Variants in U2AF2 observed in about 807,000 individuals in gnomAD.
U2AF2 encodes splicing factor U2AF 65 kDa subunit.
A neutral mutation model predicts 52.6 loss-of-function variants in U2AF2; 6 were observed. That is an observed-to-expected ratio of 0.11 (90% CI 0.06 to 0.23). U2AF2 has a LOEUF of 0.23. Ranked by LOEUF, U2AF2 falls within the 10% of genes least tolerant of loss-of-function variation. The pLI is 1.00. For missense variants in U2AF2, 222 were observed against 677.1 expected, an observed-to-expected ratio of 0.33 and a Z score of 7.46; for synonymous variants, 284 against 258.2, an observed-to-expected ratio of 1.10 and a Z score of -0.96.
Position 55,661,226 on chromosome 19 carries a change from C to G in U2AF2, c.486+37C>G, listed in dbSNP as rs376896797. 5.2e-5 allele frequency: 78 copies of G among 1,506,722 alleles called. No individual in the cohort carries two copies. The East Asian group carries it at 1.8e-3, about 35-fold the overall frequency. 93.3% of individuals were successfully genotyped at this position (1,506,722 alleles called of 1,614,324 possible). On this transcript the variant is annotated intron_variant, in intron 5 of 11. Transcript: ENST00000308924. ...CCCTGCCCCCTACCCTCTCCCTTGTCCCTCTACCCCGTTCCTCCCCTTCCC... is the reference window on the plus strand; with the variant it reads ...CCCTGCCCCCTACCCTCTCCCTTGTGCCTCTACCCCGTTCCTCCCCTTCCC...
At chr19:55,670,774 C>G (rs957553656) in intron 11 of U2AF2, 1 of 179,474 alleles carries the variant, frequency 5.6e-6, no homozygotes, top group Admixed American at 5.8e-5. Context: ...TGAGAGGCCT[C>G]CAGGGTGGTC....
At chr19:55,665,462 GCCC>G (rs1984489492) in intron 7 of U2AF2, among the ~76,000 whole-genome samples, 1 of 99,984 alleles carries the variant, frequency 1.0e-5, no homozygotes, top group African/African-American at 4.4e-5. Context: ...TGTCCTAAGT[GCCC>G]TCCATGGACG....
intron 1 of U2AF2, among the ~76,000 whole-genome samples, chr19:55,656,022 A>G (rs755546392): frequency 9.9e-5 from 15 of 152,222 alleles, no homozygotes; most frequent in Admixed American, 3.9e-4. Context: ...GATCTGGCCC[A>G]CTGCGCTAAA....
intron 2 of U2AF2, among the ~76,000 whole-genome samples, chr19:55,659,940 C>A (rs567798248): frequency 6.6e-6 from 1 of 152,282 alleles, no homozygotes; most frequent in East Asian, 1.9e-4. Context: ...CTCAGTTTCT[C>A]CAGCTAGAGA....
chr19:55,672,947 ATTT>A (rs879660112), intron 11 of U2AF2, among the ~76,000 whole-genome samples: 1 of 132,408 alleles, frequency 7.6e-6, no homozygotes, highest in Non-Finnish European at 1.6e-5. Flanking sequence ...CCGGCCAATA[ATTT>A]TTTTTTTTTT....
At position 55,668,227 on chromosome 19, in the gene U2AF2, C is replaced by G. The variant is rs1172172966; in HGVS notation, c.743-280C>G. Among the ~76,000 whole-genome samples, 6 of 152,056 alleles carry G rather than the reference C, an allele frequency of 3.9e-5. No individual in the cohort carries two copies. The highest frequency in any genetic ancestry group is 8.8e-5 in the Non-Finnish European group (6 of 68,022). Reference sequence around the variant, plus strand: ...GCAGATGTGGGTGTGAACTTTGTGCCTTTGGAGCGTTCTGGAGGATGTTCT... The same window carrying G: ...GCAGATGTGGGTGTGAACTTTGTGCGTTTGGAGCGTTCTGGAGGATGTTCT... On this transcript the variant is annotated intron_variant, in intron 7 of 11. Coordinates refer to ENST00000308924, the MANE Select transcript of U2AF2 (RefSeq NM_007279.3). This position sits in a 1 kb window ranked among gnomAD's most constrained non-coding sequence, Gnocchi z 5.5.
chr19:55,669,225 G>C (rs1984729035), intron 10 of U2AF2, 44 bp downstream of exon 10: 1 of 1,605,712 alleles, frequency 6.2e-7, no homozygotes, highest in Non-Finnish European at 8.5e-7. Context: ...GGGGTGGGAG[G>C]GGCTGGCTAG....
chr19:55,655,211 C>T (rs1321378615), intron 1 of U2AF2, 58 bp downstream of exon 1: 14 of 1,528,662 alleles, frequency 9.2e-6, no homozygotes, highest in African/African-American at 1.4e-5. Context: ...TCGCTCTTTG[C>T]CCCCCCGCCA....
chr19:55,662,638 G>T lies in U2AF2; in HGVS notation c.603+20G>T, dbSNP rs1984289545. Reference sequence around the variant, plus strand: ...TTGGAGGTGAGCTGGGGGAGTGAGTGAGGTCCAGGAAACGTGTGTGATGTG... The same window carrying T: ...TTGGAGGTGAGCTGGGGGAGTGAGTTAGGTCCAGGAAACGTGTGTGATGTG... On this transcript the variant is annotated intron_variant, in intron 6 of 11. Transcript: ENST00000308924. 1 of 1,605,142 alleles carries T rather than the reference G, an allele frequency of 6.2e-7. No homozygotes were observed. The highest frequency in any genetic ancestry group is 8.5e-7 in the Non-Finnish European group (1 of 1,172,730).
Position 55,661,206 on chromosome 19 carries a change from C to T in U2AF2, c.486+17C>T, listed in dbSNP as rs779106760. 5.1e-6 allele frequency: 8 copies of T among 1,571,202 alleles called. No individual in the cohort carries two copies. The highest frequency in any genetic ancestry group is 5.2e-6 in the Non-Finnish European group (6 of 1,155,520). ...ATCACTGAGGTACTGCCCTCCCCTG[C>T]CCCCTACCCTCTCCCTTGTCCCTCT... On this transcript the variant is annotated intron_variant, in intron 5 of 11. Coordinates refer to ENST00000308924, the MANE Select transcript of U2AF2 (RefSeq NM_007279.3).
intron 1 of U2AF2, among the ~76,000 whole-genome samples, chr19:55,656,345 C>G (rs559776684): frequency 6.6e-6 from 1 of 152,290 alleles, no homozygotes; most frequent in East Asian, 1.9e-4. Context: ...TATTAGGAAA[C>G]AGTGTCCTGG....
At chr19:55,673,639 G>A (rs943021546) in intron 11 of U2AF2, among the ~76,000 whole-genome samples, 5 of 152,148 alleles carry the variant, frequency 3.3e-5, no homozygotes, top group African/African-American at 1.2e-4. Flanking sequence ...CCCCTCCCCC[G>A]CGGTGAGCTC....
chr19:55,660,136 C>T, intron 2 of U2AF2, 41 bp from the exon 3 acceptor site: 1 of 1,581,054 alleles, frequency 6.3e-7, no homozygotes, highest in South Asian at 1.1e-5. Flanking sequence ...GACGAGGGTC[C>T]CCAGTCACCC....
chr19:55,658,446 G>A (rs1487320204), intron 1 of U2AF2, among the ~76,000 whole-genome samples: 2 of 152,112 alleles, frequency 1.3e-5, no homozygotes, highest in African/African-American at 4.8e-5. Context: ...AGGGTTGAGG[G>A]AGCCTGCTGG....
At position 55,668,783 on chromosome 19, in the gene U2AF2, C is replaced by T; in HGVS notation, c.936C>T (p.Val312=). ...TCTGTGAGTACGTGGACATCAACGTCACGGATCAGGTGAGTCCCCGGTCGC... is the reference window on the plus strand; with the variant it reads ...TCTGTGAGTACGTGGACATCAACGTTACGGATCAGGTGAGTCCCCGGTCGC... ...YAFCEYVDIN[V]TDQAIAGLNG... is the part of the protein sequence containing the mutation. Residue 312 remains valine (V), a synonymous_variant, in exon 9 of 12, where the codon GTC becomes GTT. Coordinates refer to ENST00000308924, the MANE Select transcript of U2AF2 (RefSeq NM_007279.3). The surrounding 1 kb of genome is among the most constrained non-coding windows in gnomAD (Gnocchi z 5.5). 1.9e-6 allele frequency: 3 copies of T among 1,612,640 alleles called. No homozygotes were observed. The highest frequency in any genetic ancestry group is 2.5e-6 in the Non-Finnish European group (3 of 1,179,058).
chr19:55,659,422 GTGTGTC>G (rs1984014624), intron 2 of U2AF2, 77 bp downstream of exon 2: 5 of 1,390,530 alleles, frequency 3.6e-6, no homozygotes, highest in African/African-American at 1.5e-5. Flanking sequence ...GGTGGCCTGT[GTGTGTC>G]TGTGTCTGGG....
At chr19:55,662,320 C>T (rs542061296) in intron 5 of U2AF2, 182 bp from the exon 6 acceptor site, 5 of 481,316 alleles carry the variant, frequency 1.0e-5, no homozygotes, top group African/African-American at 5.9e-5. Flanking sequence ...TCTCTTGCTT[C>T]TGTTCTTACT....
chr19:55,657,876 C>G (rs779674276), intron 1 of U2AF2, among the ~76,000 whole-genome samples: 3 of 152,104 alleles, frequency 2.0e-5, no homozygotes, highest in Non-Finnish European at 4.4e-5. Context: ...GTTTCCTTAC[C>G]CATTATGTCA....
At chr19:55,663,130 A>C (rs906619882) in intron 6 of U2AF2, among the ~76,000 whole-genome samples, 1 of 152,036 alleles carries the variant, frequency 6.6e-6, no homozygotes, top group African/African-American at 2.4e-5. Context: ...GGGCAGTGTT[A>C]GCTTACTGCA....
Sources: gnomAD v4.1 joint callset for allele counts (sites outside exome capture counted in the v4.1 genomes callset) on GRCh38, gnomAD v4.1.1 for gene constraint, Gnocchi (gnomAD v3.1) non-coding constraint, MANE v1.5 for transcripts, NCBI Gene and HGNC (gene_info 2026-07-23, HGNC 2026-07-21) for gene names.